The following DOK5 variants were observed in gnomAD, a reference collection of about 807,000 sequenced individuals.
The protein encoded by DOK5 is docking protein 5.
A neutral mutation model predicts 43.3 loss-of-function variants in DOK5; 27 were observed. The ratio of observed to expected loss-of-function variants is 0.62; its 90% CI spans 0.46 to 0.86. The LOEUF is 0.86. Among genes scored for constraint, DOK5 ranks in the 40% least tolerant of loss-of-function variants. The pLI is 0.00. For synonymous variants in DOK5, 146 were observed against 140.1 expected (o/e 1.04, Z -0.30); for missense variants, 373 against 392.9 (o/e 0.95, Z 0.43).
intron 6 of DOK5, among the ~76,000 whole-genome samples, chr20:54,613,265 T>C (rs1472242904): frequency 6.6e-6 from 1 of 150,784 alleles, no homozygotes; most frequent in African/African-American, 2.4e-5. Flanking sequence ...TCGCCATCTC[T>C]CTCTCTTTCT....
At chr20:54,546,834 C>T (rs920016748) in intron 1 of DOK5, among the ~76,000 whole-genome samples, 2 of 152,144 alleles carry the variant, frequency 1.3e-5, no homozygotes, top group African/African-American at 4.8e-5. Flanking sequence ...TGGCATCCAC[C>T]TTAATTGTAG....
intron 5 of DOK5, among the ~76,000 whole-genome samples, chr20:54,605,305 T>C (rs1986437927): frequency 6.6e-6 from 1 of 152,258 alleles, no homozygotes; most frequent in African/African-American, 2.4e-5. Context: ...ATTTTTCTAA[T>C]AAGATATGTT....
chr20:54,614,133 A>C (rs752171010), intron 6 of DOK5, among the ~76,000 whole-genome samples: 1 of 152,036 alleles, frequency 6.6e-6, no homozygotes, highest in Non-Finnish European at 1.5e-5. Context: ...TGTATGCATC[A>C]ATGACTATCT....
intron 1 of DOK5, among the ~76,000 whole-genome samples, chr20:54,551,908 GCCTCTA>G (rs1380641575): frequency 6.6e-6 from 1 of 152,114 alleles, no homozygotes; most frequent in Non-Finnish European, 1.5e-5. Flanking sequence ...GCTTACTGCA[GCCTCTA>G]CCTCCTGGGT....
chr20:54,515,658 G>C (rs1983174880), intron 1 of DOK5, among the ~76,000 whole-genome samples: 1 of 152,176 alleles, frequency 6.6e-6, no homozygotes, highest in Non-Finnish European at 1.5e-5. Flanking sequence ...ATTTGTTTGA[G>C]CTTGTGTTCT....
intron 6 of DOK5, among the ~76,000 whole-genome samples, chr20:54,629,958 G>A (rs913172123): frequency 4.6e-5 from 7 of 152,230 alleles, no homozygotes; most frequent in African/African-American, 1.7e-4. Flanking sequence ...GGTGAATTCT[G>A]AAAGGAACTG....
chr20:54,581,588 T>TA (rs1331549469), intron 2 of DOK5, among the ~76,000 whole-genome samples: 2 of 152,116 alleles, frequency 1.3e-5, no homozygotes, highest in African/African-American at 4.8e-5. Flanking sequence ...GTTTTCAGTG[T>TA]ACAAATATTT....
intron 2 of DOK5, among the ~76,000 whole-genome samples, chr20:54,566,972 T>C (rs2146743021): frequency 6.6e-6 from 1 of 152,350 alleles, no homozygotes; most frequent in African/African-American, 2.4e-5. Context: ...AACATGCTTC[T>C]GTATATCTTC....
chr20:54,485,329 G>A (rs1339701821), intron 1 of DOK5, among the ~76,000 whole-genome samples: 1 of 150,624 alleles, frequency 6.6e-6, no homozygotes, highest in Non-Finnish European at 1.5e-5. Context: ...CTCCAGCCTG[G>A]GTGACAAGAG....
chr20:54,531,358 G>A (rs984316032), intron 1 of DOK5, among the ~76,000 whole-genome samples: 11 of 152,172 alleles, frequency 7.2e-5, no homozygotes, highest in African/African-American at 2.7e-4. Flanking sequence ...TATAGCCAGG[G>A]AAGTCTTTCA....
At position 54,619,886 on chromosome 20, in the gene DOK5, A is replaced by G. The variant is rs141149689; in HGVS notation, c.735+9363A>G. ...AAGAAATCATAGAGTCAATTTCATTACTATTCAGACACTAAAGTAGACCCT... is the reference window on the plus strand; with the variant it reads ...AAGAAATCATAGAGTCAATTTCATTGCTATTCAGACACTAAAGTAGACCCT... On this transcript the variant is annotated intron_variant, in intron 6 of 7. Transcript: ENST00000262593. 1.1e-4 allele frequency among the ~76,000 whole-genome samples: 16 copies of G among 152,310 alleles called. No homozygotes were observed. In the East Asian group the frequency reaches 3.1e-3, roughly 29 times the overall value.
At chr20:54,480,611 T>C (rs1264556361) in intron 1 of DOK5, among the ~76,000 whole-genome samples, 1 of 152,230 alleles carries the variant, frequency 6.6e-6, no homozygotes, top group East Asian at 1.9e-4. Context: ...ATAAACTTGC[T>C]TTCACTTTAC....
chr20:54,562,974 A>G (rs1197489422), intron 2 of DOK5, among the ~76,000 whole-genome samples: 3 of 152,192 alleles, frequency 2.0e-5, no homozygotes, highest in African/African-American at 4.8e-5. Context: ...ATCGGATTAG[A>G]GTGGACCCCA....
chr20:54,538,045 G>A (rs189984846), intron 1 of DOK5, among the ~76,000 whole-genome samples: 1 of 151,728 alleles, frequency 6.6e-6, no homozygotes. Flanking sequence ...CACCATGTTG[G>A]TCAGGCTGGT....
At chr20:54,513,869 G>T (rs144454964) in intron 1 of DOK5, among the ~76,000 whole-genome samples, 56 of 152,258 alleles carry the variant, frequency 3.7e-4, no homozygotes, top group African/African-American at 1.3e-3. Flanking sequence ...GCAGAGGAAG[G>T]GGCTGTGGGC....
chr20:54,532,611 C>G (rs1450519420), intron 1 of DOK5, among the ~76,000 whole-genome samples: 1 of 152,190 alleles, frequency 6.6e-6, no homozygotes, highest in African/African-American at 2.4e-5. Flanking sequence ...AGGTTGCCTG[C>G]AGACTCAAGA....
chr20:54,578,960 G>A (rs1228871955), intron 2 of DOK5, among the ~76,000 whole-genome samples: 1 of 152,130 alleles, frequency 6.6e-6, no homozygotes, highest in Admixed American at 6.6e-5. Flanking sequence ...CCTCTGCTAA[G>A]CAAATGAGAC....
intron 1 of DOK5, among the ~76,000 whole-genome samples, chr20:54,512,938 G>A (rs1048333396): frequency 6.6e-6 from 1 of 152,190 alleles, no homozygotes; most frequent in Non-Finnish European, 1.5e-5. Flanking sequence ...AACTCATGAT[G>A]TAGGTTTGTT....
At chr20:54,550,484 A>G (rs532037014) in intron 1 of DOK5, among the ~76,000 whole-genome samples, 1 of 152,194 alleles carries the variant, frequency 6.6e-6, no homozygotes, top group Non-Finnish European at 1.5e-5. Flanking sequence ...CATTGCCACA[A>G]GGATCCCTGA....
Sources: gnomAD v4.1 joint callset for allele counts (sites outside exome capture counted in the v4.1 genomes callset) on GRCh38, gnomAD v4.1.1 for gene constraint, MANE v1.5 for transcripts, NCBI Gene and HGNC (gene_info 2026-07-23, HGNC 2026-07-21) for gene names.